ARHGEF7: variants seen among roughly 807,000 people sequenced by gnomAD.
ARHGEF7 encodes PAK-interacting exchange factor beta.
Under a neutral mutation model 109.8 loss-of-function variants are expected in ARHGEF7, and 33 were observed. The ratio of observed to expected loss-of-function variants is 0.30; its 90% CI spans 0.23 to 0.40. ARHGEF7 has a LOEUF of 0.40. Among genes scored for constraint, ARHGEF7 ranks in the 10% least tolerant of loss-of-function variants. The pLI, the probability that ARHGEF7 is intolerant of heterozygous loss-of-function variation, is 1.00. For missense variants in ARHGEF7, 938 were observed against 1,098.5 expected (o/e 0.85, Z 2.07); for synonymous variants, 458 against 424.6 (o/e 1.08, Z -0.97).
intron 4 of ARHGEF7, among the ~76,000 whole-genome samples, chr13:111,212,339 A>G (rs2082602264): frequency 6.6e-6 from 1 of 151,942 alleles, no homozygotes; most frequent in Non-Finnish European, 1.5e-5. Context: ...CGGCTCTGTG[A>G]TGGGCCTCGG....
chr13:111,250,779 A>G (rs1234280288), intron 8 of ARHGEF7, among the ~76,000 whole-genome samples: 2 of 152,192 alleles, frequency 1.3e-5, no homozygotes, highest in Admixed American at 6.5e-5. Flanking sequence ...TGACCCATGT[A>G]TGTAACTCAG....
At chr13:111,158,673 A>G (rs1330006423) in intron 2 of ARHGEF7, among the ~76,000 whole-genome samples, 2 of 152,226 alleles carry the variant, frequency 1.3e-5, no homozygotes, top group East Asian at 3.8e-4. Context: ...TGAAATGTAG[A>G]CCAGCTAGTC....
At chr13:111,292,363 T>G (rs755210022) in intron 19 of ARHGEF7, 69 bp downstream of exon 19, 107 of 1,596,158 alleles carry the variant, frequency 6.7e-5, no homozygotes, top group Non-Finnish European at 9.1e-5. Flanking sequence ...AACAAATGCT[T>G]GTTGTATCGC....
At chr13:111,144,786 G>A (rs1566622756) in intron 1 of ARHGEF7, 1 of 152,166 alleles carries the variant, frequency 6.6e-6, no homozygotes, top group African/African-American at 2.4e-5. Flanking sequence ...GGGGAGTCAC[G>A]TTGGCCTGAG....
At chr13:111,293,501 C>T in intron 19 of ARHGEF7, 2 of 984,812 alleles carry the variant, frequency 2.0e-6, no homozygotes, top group Non-Finnish European at 2.4e-6. Flanking sequence ...TCACTGGCCT[C>T]ACTCAGACCA....
At chr13:111,283,872 C>G (rs2092904959) in intron 16 of ARHGEF7, among the ~76,000 whole-genome samples, 1 of 152,090 alleles carries the variant, frequency 6.6e-6, no homozygotes, top group Admixed American at 6.5e-5. Flanking sequence ...CATAAGAAAT[C>G]ATGATGCGGT....
At chr13:111,294,666 G>A in intron 19 of ARHGEF7, 1 of 985,432 alleles carries the variant, frequency 1.0e-6, no homozygotes, top group Non-Finnish European at 1.2e-6. Context: ...CAGTTCTCCT[G>A]TGGCAGTGGC....
At chr13:111,117,693 CTCTCTCTCTCTCTG>C (rs990754653) in intron 1 of ARHGEF7, among the ~76,000 whole-genome samples, 4 of 150,652 alleles carry the variant, frequency 2.7e-5, no homozygotes, top group Admixed American at 6.6e-5. Context: ...TTCTTTCTTT[CTCTCTCTCTCTCTG>C]TCTCTCTCTC....
intron 2 of ARHGEF7, among the ~76,000 whole-genome samples, chr13:111,171,712 A>G (rs1359515133): frequency 4.6e-5 from 7 of 152,250 alleles, no homozygotes; most frequent in Non-Finnish European, 8.8e-5. Context: ...GCCTCTAAAA[A>G]CAAAGCTCTT....
chr13:111,241,111 C>A, intron 6 of ARHGEF7: 1 of 1,502,246 alleles, frequency 6.7e-7, no homozygotes, highest in South Asian at 1.3e-5. Context: ...ACTGCACTTG[C>A]CTCTCCATGC....
chr13:111,210,631 C>T (rs1264717983), intron 4 of ARHGEF7, among the ~76,000 whole-genome samples: 1 of 152,178 alleles, frequency 6.6e-6, no homozygotes, highest in Non-Finnish European at 1.5e-5. Flanking sequence ...AAATGAGAAA[C>T]TCAAGCAGGG....
intron 2 of ARHGEF7, among the ~76,000 whole-genome samples, chr13:111,185,829 A>C (rs1382494918): frequency 6.6e-6 from 1 of 151,928 alleles, no homozygotes. Context: ...TGCCTGCATG[A>C]CCGCTGTGGG....
chr13:111,247,689 G>T (rs943460408), intron 8 of ARHGEF7, among the ~76,000 whole-genome samples: 1 of 152,160 alleles, frequency 6.6e-6, no homozygotes, highest in Non-Finnish European at 1.5e-5. Context: ...CAAACTATGG[G>T]CTGGGTCAGA....
At chr13:111,229,692 G>C (rs1044367402) in intron 5 of ARHGEF7, among the ~76,000 whole-genome samples, 2 of 152,130 alleles carry the variant, frequency 1.3e-5, no homozygotes, top group Non-Finnish European at 2.9e-5. Flanking sequence ...GTGGGTTCCT[G>C]TGTACCCTGG....
intron 19 of ARHGEF7, among the ~76,000 whole-genome samples, chr13:111,299,883 C>G (rs1436759839): frequency 6.6e-6 from 1 of 152,202 alleles, no homozygotes; most frequent in Non-Finnish European, 1.5e-5. Flanking sequence ...GTACCGCTTG[C>G]AGGTGCTTGT....
At chr13:111,206,504 T>A (rs1205439883) in intron 3 of ARHGEF7, among the ~76,000 whole-genome samples, 1 of 152,186 alleles carries the variant, frequency 6.6e-6, no homozygotes, top group Non-Finnish European at 1.5e-5. Flanking sequence ...GTTCACAGCT[T>A]GACTTCTGAG....
At chr13:111,201,214 C>T (rs187340794) in intron 2 of ARHGEF7, among the ~76,000 whole-genome samples, 9 of 152,278 alleles carry the variant, frequency 5.9e-5, no homozygotes, top group South Asian at 2.1e-4. Flanking sequence ...AGTTTCTCTG[C>T]GTCTCACTAT....
rs1375356951 is a variant in ARHGEF7, at chr13:111,272,195, G to T, written c.1074-1619G>T. Among the ~76,000 whole-genome samples, 1 of 152,216 alleles carries T rather than the reference G, an allele frequency of 6.6e-6. No homozygotes were observed. Among genetic ancestry groups the T allele is most frequent in the Non-Finnish European group, 1.5e-5 (1 of 68,044 alleles). On this transcript the variant is annotated intron_variant, in intron 9 of 21. Transcript: ENST00000646102. The surrounding 1 kb of genome is among the most constrained non-coding windows in gnomAD (Gnocchi z 5.2). ...GAATAAGGAGGGTGAGAAGCGGGAA[G>T]GGCTGGCACCACCCTGGCTCTCAGT...
rs941934318 is a variant in ARHGEF7, at chr13:111,119,209, A to G, written c.165+3518A>G. 3.9e-5 allele frequency among the ~76,000 whole-genome samples: 6 copies of G among 152,192 alleles called. No homozygotes were observed. In the South Asian group the frequency reaches 1.2e-3, roughly 31 times the overall value. On this transcript the variant is annotated intron_variant, in intron 1 of 21. Coordinates refer to ENST00000646102, the MANE Select transcript of ARHGEF7 (RefSeq NM_001354046.2). ...TTTAGCAGGACATCAGTGGAATTGCATTAGGGGCACCCTACCCCAGTATGG... is the reference window on the plus strand; with the variant it reads ...TTTAGCAGGACATCAGTGGAATTGCGTTAGGGGCACCCTACCCCAGTATGG...
Sources: gnomAD v4.1 joint callset for allele counts (sites outside exome capture counted in the v4.1 genomes callset) on GRCh38, gnomAD v4.1.1 for gene constraint, Gnocchi (gnomAD v3.1) non-coding constraint, MANE v1.5 for transcripts, NCBI Gene and HGNC (gene_info 2026-07-23, HGNC 2026-07-21) for gene names.